Variants in INVS observed in about 807,000 individuals in gnomAD.
INVS encodes the protein inversin, also known as inversion of embryo turning homolog.
A neutral mutation model predicts 108.8 loss-of-function variants in INVS; 86 were observed. The observed-to-expected ratio is 0.79, with a 90% CI of 0.66 to 0.95. The LOEUF (loss-of-function observed/expected upper bound fraction) is 0.95. Ranked by LOEUF, INVS falls within the 40% of genes least tolerant of loss-of-function variation. INVS has a pLI of 0.00. For synonymous variants in INVS, 455 were observed against 473.5 expected (o/e 0.96, Z 0.51); for missense variants, 1,169 against 1,297.4 (o/e 0.90, Z 1.52).
intron 3 of INVS, among the ~76,000 whole-genome samples, chr9:100,157,629 A>G (rs1397938574): frequency 6.6e-6 from 1 of 152,136 alleles, no homozygotes; most frequent in African/African-American, 2.4e-5. Context: ...TTATAGGAAA[A>G]CATTTTCACA....
rs1181379253 is a variant in INVS at position 100,252,375 on chromosome 9, C to G, written c.1171C>G (p.His391Asp). The G allele has an allele frequency of 2.5e-6, 4 of 1,613,970 alleles. No individual in the cohort carries two copies. Among genetic ancestry groups the G allele is most frequent in the Non-Finnish European group, 3.4e-6 (4 of 1,179,856 alleles). ...AQVDATDVMK[H>D]TPLFRACEMG... ...AGTAGATGCTACTGATGTTATGAAA[C>G]ATACTCCACTTTTCCGAGCCTGTGA... The change falls in exon 9 of 17, where the codon CAT (histidine) becomes GAT (aspartate). Residue 391 changes from histidine (H) to aspartate (D), a missense_variant. By Grantham distance (81) the His-to-Asp change is moderately conservative. Coordinates refer to ENST00000262457, the MANE Select transcript of INVS (RefSeq NM_014425.5).
intron 2 of INVS, among the ~76,000 whole-genome samples, chr9:100,112,495 C>G (rs530594245): frequency 2.6e-5 from 4 of 152,064 alleles, no homozygotes; most frequent in Non-Finnish European, 5.9e-5. Flanking sequence ...AGTTCTGTGT[C>G]CTTGAAGGTG....
chr9:100,100,653 TA>T (rs1564111242), intron 1 of INVS, among the ~76,000 whole-genome samples: 23 of 50,578 alleles, frequency 4.5e-4, no homozygotes, highest in African/African-American at 2.5e-3. Flanking sequence ...TATGTATATA[TA>T]ATATATATAT....
intron 15 of INVS, among the ~76,000 whole-genome samples, chr9:100,297,661 A>G (rs558058559): frequency 3.3e-5 from 5 of 152,232 alleles, no homozygotes; most frequent in Non-Finnish European, 5.9e-5. Flanking sequence ...AGCCCATCCA[A>G]ATAGACCCAG....
intron 10 of INVS, among the ~76,000 whole-genome samples, chr9:100,257,804 T>A (rs966637821): frequency 6.6e-6 from 1 of 152,240 alleles, no homozygotes; most frequent in Non-Finnish European, 1.5e-5. Flanking sequence ...CTTCCCTTTG[T>A]GGGTAACCCG....
At chr9:100,108,231 C>T (rs1025545378) in intron 2 of INVS, among the ~76,000 whole-genome samples, 8 of 152,176 alleles carry the variant, frequency 5.3e-5, no homozygotes, top group African/African-American at 1.9e-4. Context: ...TTGAAAATCC[C>T]CAAAGAGAAA....
chr9:100,128,193 C>T (rs1050223226), intron 3 of INVS, among the ~76,000 whole-genome samples: 1 of 152,160 alleles, frequency 6.6e-6, no homozygotes, highest in Non-Finnish European at 1.5e-5. Context: ...ATCTTTTCAT[C>T]AGATACCATG....
At chr9:100,286,669 A>G (rs1036744248) in intron 13 of INVS, among the ~76,000 whole-genome samples, 5 of 152,226 alleles carry the variant, frequency 3.3e-5, no homozygotes, top group Non-Finnish European at 7.3e-5. Flanking sequence ...TATTCATCCA[A>G]CCAGCTTTAA....
Position 100,300,604 on chromosome 9 carries a change from G to A in INVS, c.3128G>A (p.Ser1043Asn), listed in dbSNP as rs762692117. ...NLQCIHLLEN[S>N]GRSKNFSYNL... is the part of the protein sequence containing the mutation. ...CAGTGTATACATCTCCTTGAGAACAGTGGAAGATCAAAGAACTTTTCTTAT... is the reference window on the plus strand; with the variant it reads ...CAGTGTATACATCTCCTTGAGAACAATGGAAGATCAAAGAACTTTTCTTAT... The change falls in exon 17 of 17, where the codon AGT (serine) becomes AAT (asparagine). Residue 1043 changes from serine (S) to asparagine (N), a missense_variant. Ser to Asn is a conservative substitution (Grantham distance 46). This residue lies in a region of INVS where 533 missense variants were observed against 536.0 expected (regional missense o/e 0.99). Coordinates refer to ENST00000262457, the MANE Select transcript of INVS (RefSeq NM_014425.5). The A allele has an allele frequency of 3.2e-5, 51 of 1,613,742 alleles. No individual in the cohort carries two copies. In the South Asian group the frequency reaches 3.8e-4, roughly 12 times the overall value.
intron 3 of INVS, among the ~76,000 whole-genome samples, chr9:100,207,474 G>A (rs914962990): frequency 6.6e-6 from 1 of 151,826 alleles, no homozygotes; most frequent in Non-Finnish European, 1.5e-5. Context: ...TGTTTTTTTA[G>A]TAGAGATGGG....
chr9:100,116,463 A>C (rs1480102020), intron 2 of INVS, among the ~76,000 whole-genome samples: 1 of 152,158 alleles, frequency 6.6e-6, no homozygotes, highest in African/African-American at 2.4e-5. Context: ...TTATTCTGGA[A>C]TAAAAGGCCT....
chr9:100,099,706 CTG>C (rs1276125618), intron 1 of INVS, among the ~76,000 whole-genome samples: 1 of 152,162 alleles, frequency 6.6e-6, no homozygotes, highest in Non-Finnish European at 1.5e-5. Context: ...AACTGGAAAA[CTG>C]TGTGAGTGAT....
chr9:100,278,219 G>C (rs1310941356), intron 12 of INVS, among the ~76,000 whole-genome samples: 1 of 122,518 alleles, frequency 8.2e-6, no homozygotes, highest in African/African-American at 3.3e-5. Context: ...GACAGAGAGA[G>C]AGACCCTGTC....
intron 5 of INVS, among the ~76,000 whole-genome samples, chr9:100,232,095 T>G (rs905053830): frequency 1.3e-5 from 2 of 152,258 alleles, no homozygotes; most frequent in African/African-American, 2.4e-5. Context: ...TTTTCATTTC[T>G]CTAATGACCA....
At chr9:100,203,946 T>A (rs922288656) in intron 3 of INVS, among the ~76,000 whole-genome samples, 2 of 152,230 alleles carry the variant, frequency 1.3e-5, no homozygotes, top group Non-Finnish European at 2.9e-5. Flanking sequence ...AGAAACCCAT[T>A]AATTTTTTAA....
At chr9:100,226,023 A>C (rs1443763501) in intron 3 of INVS, 39 bp from the exon 4 acceptor site, 28 of 1,451,126 alleles carry the variant, frequency 1.9e-5, no homozygotes, top group Non-Finnish European at 2.5e-5. Flanking sequence ...TTGACCCCAT[A>C]GTACATTTTT....
intron 2 of INVS, among the ~76,000 whole-genome samples, chr9:100,112,208 G>A (rs1827358882): frequency 6.6e-6 from 1 of 152,112 alleles, no homozygotes; most frequent in South Asian, 2.1e-4. Context: ...CTGACCTCAG[G>A]TGATCCACCC....
chr9:100,209,941 A>T, intron 3 of INVS, among the ~76,000 whole-genome samples: 1 of 152,130 alleles, frequency 6.6e-6, no homozygotes, highest in East Asian at 1.9e-4. Context: ...CTGTGTTTTT[A>T]AAGCTTTCAT....
intron 2 of INVS, 83 bp from the exon 3 acceptor site, chr9:100,126,300 T>A: frequency 9.1e-7 from 1 of 1,098,366 alleles, no homozygotes; most frequent in South Asian, 1.3e-5. Context: ...GCACAATGTT[T>A]GATAATAAAC....
Sources: allele counts gnomAD v4.1 joint callset (sites outside exome capture counted in the v4.1 genomes callset), GRCh38; gene constraint gnomAD v4.1.1; regional missense constraint gnomAD v4.1.1; transcripts MANE v1.5; gene names NCBI Gene and HGNC (gene_info 2026-07-23, HGNC 2026-07-21).